ANKEF1: variants seen among roughly 807,000 people sequenced by gnomAD.
ANKEF1 encodes ankyrin repeat and EF-hand domain containing 1.
A neutral mutation model predicts 65.1 loss-of-function variants in ANKEF1; 43 were observed. The observed-to-expected ratio is 0.66, with a 90% CI of 0.52 to 0.85. The LOEUF (loss-of-function observed/expected upper bound fraction) is 0.85. Among genes scored for constraint, ANKEF1 ranks in the 40% least tolerant of loss-of-function variants. The pLI is 0.00. For missense variants in ANKEF1, 934 were observed against 952.9 expected, an observed-to-expected ratio of 0.98 and a Z score of 0.26; for synonymous variants, 316 against 341.5, an observed-to-expected ratio of 0.93 and a Z score of 0.82.
intron 3 of ANKEF1, among the ~76,000 whole-genome samples, chr20:10,042,819 A>T (rs139410378): frequency 6.6e-6 from 1 of 152,182 alleles, no homozygotes; most frequent in Non-Finnish European, 1.5e-5. Context: ...CCAAGAAGGG[A>T]CACTCAGGGT....
intron 2 of ANKEF1, among the ~76,000 whole-genome samples, chr20:10,037,481 C>T (rs1048098107): frequency 6.6e-6 from 1 of 152,156 alleles, no homozygotes; most frequent in African/African-American, 2.4e-5. Context: ...GGATGGTTCC[C>T]TCAAATGGGC....
In ANKEF1 at chr20:10,049,894, C is replaced by T. The variant is rs1984748102; in HGVS notation, c.1325C>T (p.Ala442Val). The change falls in exon 7 of 11, where the codon GCG becomes GTG. Residue 442 changes from alanine (A) to valine (V), a missense_variant. Transcript: ENST00000378392. Reference sequence around the variant, plus strand: ...CCAATCTGTGTCATTCCTGAGTACGCGTTTCCACGCCGGCAGGATGGTGGG... The same window carrying T: ...CCAATCTGTGTCATTCCTGAGTACGTGTTTCCACGCCGGCAGGATGGTGGG... ...PLPICVIPEY[A>V]FPRRQDGGPP... The T allele has an allele frequency of 1.2e-6, 2 of 1,614,064 alleles. No individual in the cohort carries two copies. The highest frequency in any genetic ancestry group is 1.7e-6 in the Non-Finnish European group (2 of 1,180,032).
chr20:10,039,159 T>C (rs1301318566), intron 3 of ANKEF1, among the ~76,000 whole-genome samples: 1 of 152,204 alleles, frequency 6.6e-6, no homozygotes, highest in East Asian at 1.9e-4. Flanking sequence ...CATTTAAAAA[T>C]GTATTTGGAA....
rs1467164204 is a variant in ANKEF1, at chr20:10,053,239, A to G, written c.1998A>G (p.Ile666Met). The G allele has an allele frequency of 2.5e-6, 4 of 1,606,372 alleles. No individual in the cohort carries two copies. Among genetic ancestry groups the G allele is most frequent in the Non-Finnish European group, 3.4e-6 (4 of 1,178,124 alleles). ...AACTAAAAGGCAAGACACCTCCTAT[A>G]CTGAAGACTGAAGGCCCTGAAATTA... ...NQKLKGKTPP[I>M]LKTEGPEIKK... Residue 666 changes from isoleucine to methionine, a missense_variant, in exon 9 of 11, where the codon ATA (isoleucine) becomes ATG (methionine). Physicochemically the swap from Ile to Met is conservative, Grantham distance 10. Coordinates refer to ENST00000378392, the MANE Select transcript of ANKEF1 (RefSeq NM_022096.6).
Position 10,051,676 on chromosome 20 carries a change from G to A in ANKEF1, c.1657G>A (p.Ala553Thr). Residue 553 changes from alanine to threonine, a missense_variant, in exon 8 of 11, where the codon GCA (alanine) becomes ACA (threonine). Coordinates refer to ENST00000378392, the MANE Select transcript of ANKEF1 (RefSeq NM_022096.6). The stretch of plus-strand genomic sequence containing the variant: ...CTTATTTTACAGAGCTAACGTTAAT[G>A]CAACAGATAACTTTCTGTGGACTCC... ...FLLEKGANVN[A>T]TDNFLWTPLH... is the part of the protein sequence containing the mutation. 3.7e-6 allele frequency: 6 copies of A among 1,612,506 alleles called. No individual in the cohort carries two copies. The South Asian group carries it at 4.4e-5, about 12-fold the overall frequency.
chr20:10,040,642 T>C (rs887878413), intron 3 of ANKEF1: 1 of 152,230 alleles, frequency 6.6e-6, no homozygotes, highest in African/African-American at 2.4e-5. Context: ...TACTCAGTCC[T>C]CAATGCCGTA....
chr20:10,050,688 C>G (rs931517916), intron 7 of ANKEF1, among the ~76,000 whole-genome samples: 72 of 152,262 alleles, frequency 4.7e-4, no homozygotes, highest in African/African-American at 1.6e-3. Context: ...AGTGTTTACT[C>G]AGGGTGAATA....
chr20:10,051,504 T>C (rs1218669671), intron 7 of ANKEF1, among the ~76,000 whole-genome samples, 159 bp from the exon 8 acceptor site: 1 of 152,222 alleles, frequency 6.6e-6, no homozygotes, highest in Non-Finnish European at 1.5e-5. Flanking sequence ...AAGTTAAGAC[T>C]GTCAAATAAT....
intron 7 of ANKEF1, among the ~76,000 whole-genome samples, chr20:10,051,189 CTTTAATG>C (rs951209772): frequency 1.3e-5 from 2 of 152,008 alleles, no homozygotes; most frequent in Non-Finnish European, 2.9e-5. Flanking sequence ...CTTATTAGTA[CTTTAATG>C]TTAAAGAAAG....
intron 7 of ANKEF1, 24 bp downstream of exon 7, chr20:10,050,236 C>G (rs778962491): frequency 1.9e-6 from 3 of 1,544,848 alleles, no homozygotes; most frequent in Non-Finnish European, 2.6e-6. Context: ...TCGGGTGTGG[C>G]CTAAATTTTC....
chr20:10,054,437 A>G (rs1568518288), intron 9 of ANKEF1, 25 bp from the exon 10 acceptor site: 1 of 1,511,768 alleles, frequency 6.6e-7, no homozygotes, highest in Non-Finnish European at 8.8e-7. Flanking sequence ...TTTACAATTT[A>G]TAATTTTTTT....
chr20:10,049,519 G>A lies in ANKEF1; in HGVS notation c.950G>A (p.Gly317Glu), dbSNP rs1272399675. The A allele has an allele frequency of 1.9e-6, 3 of 1,614,008 alleles. No homozygotes were observed. In the African/African-American group the frequency reaches 4.0e-5, roughly 22 times the overall value. The change falls in exon 7 of 11, where the codon GGA becomes GAA. Residue 317 changes from glycine to glutamate, a missense_variant. Gly to Glu is a moderately conservative substitution (Grantham distance 98). Coordinates refer to ENST00000378392, the MANE Select transcript of ANKEF1 (RefSeq NM_022096.6). ...ATCGCTAATAAACTAGCCAGGCCAGGAGCCAAAAATCCAAATCCACTGTGG... is the reference window on the plus strand; with the variant it reads ...ATCGCTAATAAACTAGCCAGGCCAGAAGCCAAAAATCCAAATCCACTGTGG... ...ERIANKLARP[G>E]AKNPNPLWAL...
At position 10,050,167 on chromosome 20, in the gene ANKEF1, G is replaced by T. The variant is rs1425619698; in HGVS notation, c.1598G>T (p.Cys533Phe). ...TACAAAACTCCGCTAATGACGGCGT[G>T]TGCAAGTGGAAACATAGATGTGGTC... ...NYYKTPLMTA[C>F]ASGNIDVVKF... is the part of the protein sequence containing the mutation. Residue 533 changes from cysteine to phenylalanine, a missense_variant, in exon 7 of 11, where the codon TGT (cysteine) becomes TTT (phenylalanine). By Grantham distance (205) the Cys-to-Phe change is radical. Transcript: ENST00000378392. 1 of 1,614,008 alleles carries T rather than the reference G, an allele frequency of 6.2e-7. No individual in the cohort carries two copies.
intron 3 of ANKEF1, among the ~76,000 whole-genome samples, chr20:10,039,571 A>G (rs1230054091): frequency 6.6e-6 from 1 of 152,230 alleles, no homozygotes; most frequent in African/African-American, 2.4e-5. Context: ...TACATATTTA[A>G]TTGTACCACG....
At chr20:10,041,555 G>A (rs1044090769) in intron 3 of ANKEF1, among the ~76,000 whole-genome samples, 2 of 151,786 alleles carry the variant, frequency 1.3e-5, no homozygotes, top group African/African-American at 4.8e-5. Context: ...TAAGTACCTT[G>A]TACTTTATTT....
Position 10,041,661 on chromosome 20 carries a change from T to A in ANKEF1, c.347-1461T>A, listed in dbSNP as rs528668693. 1.9e-4 allele frequency among the ~76,000 whole-genome samples: 29 copies of A among 152,316 alleles called. 1 individual carries two copies. The highest frequency in any genetic ancestry group is 3.4e-3 in the Middle Eastern group (1 of 294). On this transcript the variant is annotated intron_variant, in intron 3 of 10. Coordinates refer to ENST00000378392, the MANE Select transcript of ANKEF1 (RefSeq NM_022096.6). Reference sequence around the variant, plus strand: ...CTCCTTCCTTCCCTCAAATTTTTGATAAATTATATTATTTTTACATTATTA... The same window carrying A: ...CTCCTTCCTTCCCTCAAATTTTTGAAAAATTATATTATTTTTACATTATTA...
In ANKEF1 at chr20:10,044,394, T is replaced by G. The variant is rs754980557; in HGVS notation, c.547T>G (p.Ser183Ala). 5.6e-6 allele frequency: 9 copies of G among 1,613,888 alleles called. No homozygotes were observed. In the East Asian group the frequency reaches 1.1e-4, roughly 20 times the overall value. Residue 183 changes from serine (S) to alanine (A), a missense_variant and splice_region_variant, in exon 5 of 11, where the codon TCC becomes GCC. Coordinates refer to ENST00000378392, the MANE Select transcript of ANKEF1 (RefSeq NM_022096.6). ...KGANPNAINS[S>A]TGRTALMEAS... Reference sequence around the variant, plus strand: ...TCATATTGGACTATTTCATGTCCAGTCCACAGGCCGCACAGCTTTAATGGA... The same window carrying G: ...TCATATTGGACTATTTCATGTCCAGGCCACAGGCCGCACAGCTTTAATGGA...
intron 5 of ANKEF1, among the ~76,000 whole-genome samples, chr20:10,044,789 C>T (rs531583692): frequency 1.3e-3 from 200 of 152,084 alleles, no homozygotes; most frequent in African/African-American, 4.3e-3. Flanking sequence ...TCTGTACACT[C>T]GATGATAACA....
At chr20:10,055,334 G>A (rs1293835147) in intron 10 of ANKEF1, among the ~76,000 whole-genome samples, 168 bp from the exon 11 acceptor site, 1 of 152,060 alleles carries the variant, frequency 6.6e-6, no homozygotes, top group Admixed American at 6.6e-5. Flanking sequence ...TCATATGAGA[G>A]GGGGGGAAGA....
Sources: gnomAD v4.1 joint callset for allele counts (sites outside exome capture counted in the v4.1 genomes callset) on GRCh38, gnomAD v4.1.1 for gene constraint, MANE v1.5 for transcripts, NCBI Gene and HGNC (gene_info 2026-07-23, HGNC 2026-07-21) for gene names.